The following ZNF35 variants were observed in gnomAD, a reference collection of about 807,000 sequenced individuals.
ZNF35 encodes zinc finger protein 35 (clone HF.10).
Under a neutral mutation model 45.9 loss-of-function variants are expected in ZNF35, and 31 were observed. The ratio of observed to expected loss-of-function variants is 0.68; its 90% confidence interval spans 0.51 to 0.91. The LOEUF is 0.91. Among genes scored for constraint, ZNF35 ranks in the 40% least tolerant of loss-of-function variants. The pLI is 0.00. For missense variants in ZNF35, 515 were observed against 625.4 expected (o/e 0.82, Z 1.88); for synonymous variants, 205 against 220.2 (o/e 0.93, Z 0.61).
chr3:44,658,624 G>C lies in ZNF35; in HGVS notation c.338-77G>C, dbSNP rs913259373. 2.0e-6 allele frequency: 3 copies of C among 1,472,556 alleles called. No homozygotes were observed. In the African/African-American group the frequency reaches 4.2e-5, roughly 21 times the overall value. The allele number at this position is 1,472,556 out of a possible 1,614,324, so 91.2% of individuals were successfully genotyped here. A position where few individuals can be genotyped will look rare whatever the true frequency, so the allele number is the denominator to read the frequency against. On this transcript the variant is annotated intron_variant, in intron 3 of 3. Coordinates refer to ENST00000396056, the MANE Select transcript of ZNF35 (RefSeq NM_003420.4). ...TGGAGGTGCTGAAATCACATACTTC[G>C]TTTTATGACTTGATGATCCTATTCT...
chr3:44,658,914 T>C lies in ZNF35; in HGVS notation c.551T>C (p.Leu184Ser). 1 of 1,613,468 alleles carries C rather than the reference T, an allele frequency of 6.2e-7. No homozygotes were observed. Among genetic ancestry groups the C allele is most frequent in the Non-Finnish European group, 8.5e-7 (1 of 1,179,860 alleles). The part of the protein sequence containing the change: ...FRQVIVNDCH[L>S]PESFKEEENQ... Reference sequence around the variant, plus strand: ...CAAGTGATAGTGAATGACTGTCACTTACCTGAAAGCTTCAAAGAAGAGGAA... The same window carrying C: ...CAAGTGATAGTGAATGACTGTCACTCACCTGAAAGCTTCAAAGAAGAGGAA... The change falls in exon 4 of 4, where the codon TTA (leucine) becomes TCA (serine). Residue 184 changes from leucine (L) to serine (S), a missense_variant. By Grantham distance (145) the Leu-to-Ser change is moderately radical. Transcript: ENST00000396056.
intron 3 of ZNF35, among the ~76,000 whole-genome samples, chr3:44,655,069 G>A (rs1488516082): frequency 6.6e-6 from 1 of 152,128 alleles, no homozygotes; most frequent in Non-Finnish European, 1.5e-5. Context: ...GGGAGACAGA[G>A]GTTGCAGTGA....
chr3:44,646,898 C>CAGT (rs1422692910), upstream of ZNF35: 1 of 191,006 alleles, frequency 5.2e-6, no homozygotes, highest in Non-Finnish European at 1.1e-5. Flanking sequence ...TATCCATAGG[C>CAGT]AGTAAACCAA....
chr3:44,660,126 A>C lies in ZNF35; in HGVS notation c.*179A>C, dbSNP rs1018296746. On this transcript the variant is annotated 3_prime_UTR_variant, in exon 4 of 4. Coordinates refer to ENST00000396056, the MANE Select transcript of ZNF35 (RefSeq NM_003420.4). Reference sequence around the variant, plus strand: ...GCATTTCAGAGGCTAATTTAAAACAAAAAGTAAGCACCTAAAGGCAAGGAC... The same window carrying C: ...GCATTTCAGAGGCTAATTTAAAACACAAAGTAAGCACCTAAAGGCAAGGAC... 3.1e-5 allele frequency: 19 copies of C among 605,084 alleles called. No homozygotes were observed. Among genetic ancestry groups the C allele is most frequent in the Non-Finnish European group, 4.9e-5 (19 of 384,064 alleles). The allele number at this position is 605,084 out of a possible 1,614,324, so 37.5% of individuals were successfully genotyped here. A position where few individuals can be genotyped will look rare whatever the true frequency, so the allele number is the denominator to read the frequency against.
Position 44,659,364 on chromosome 3 carries a change from A to G in ZNF35, c.1001A>G (p.Tyr334Cys), listed in dbSNP as rs1703363281. ...AAAGTCCACATTACGGAAAAATGCTATGAATGTAATGAATGTGGGAAAACA... is the reference window on the plus strand; with the variant it reads ...AAAGTCCACATTACGGAAAAATGCTGTGAATGTAATGAATGTGGGAAAACA... ...HQKVHITEKC[Y>C]ECNECGKTFT... Residue 334 changes from tyrosine to cysteine, a missense_variant, in exon 4 of 4, where the codon TAT (tyrosine) becomes TGT (cysteine). By Grantham distance (194) the Tyr-to-Cys change is radical. This residue lies in a region of ZNF35 where 232 missense variants were observed against 304.6 expected (regional missense o/e 0.76). Transcript: ENST00000396056. The surrounding 1 kb of genome is among the most constrained non-coding windows in gnomAD (Gnocchi z 4.3). 1 of 1,613,950 alleles carries G rather than the reference A, an allele frequency of 6.2e-7. No homozygotes were observed. The highest frequency in any genetic ancestry group is 8.5e-7 in the Non-Finnish European group (1 of 1,179,958).
chr3:44,656,898 T>C (rs1258996617), intron 3 of ZNF35, among the ~76,000 whole-genome samples: 1 of 152,082 alleles, frequency 6.6e-6, no homozygotes, highest in Non-Finnish European at 1.5e-5. Flanking sequence ...GGTTTCACCA[T>C]GTTGGCCAGG....
Position 44,651,080 on chromosome 3 carries a change from T to C in ZNF35, c.13T>C (p.Leu5=). The C allele has an allele frequency of 6.2e-7, 1 of 1,613,316 alleles. No homozygotes were observed. Among genetic ancestry groups the C allele is most frequent in the Non-Finnish European group, 8.5e-7 (1 of 1,179,896 alleles). Reference sequence around the variant, plus strand: ...CTGAGCAGAGAAGATGACTGCAGAATTGAGAGAAGCCATGGCCCTAGCCCC... The same window carrying C: ...CTGAGCAGAGAAGATGACTGCAGAACTGAGAGAAGCCATGGCCCTAGCCCC... MTAE[L]REAMALAPWG... is the part of the protein sequence containing the mutation. The change falls in exon 2 of 4, where the codon TTG becomes CTG. Residue 5 remains leucine, a synonymous_variant. Transcript: ENST00000396056.
At position 44,660,092 on chromosome 3, in the gene ZNF35, A is replaced by C; in HGVS notation, c.*145A>C. The stretch of plus-strand genomic sequence containing the variant: ...AGTTTTCAGGAATGCAGCAGAAGAC[A>C]CAAGAAAAGCATTTCAGAGGCTAAT... On this transcript the variant is annotated 3_prime_UTR_variant, in exon 4 of 4. Transcript: ENST00000396056. The C allele has an allele frequency of 1.2e-6, 1 of 859,406 alleles. No individual in the cohort carries two copies. The highest frequency in any genetic ancestry group is 1.7e-6 in the Non-Finnish European group (1 of 601,080). 53.2% of individuals were successfully genotyped at this position (859,406 alleles called of 1,614,324 possible).
chr3:44,647,644 A>T (rs758526729), upstream of ZNF35: 27 of 152,252 alleles, frequency 1.8e-4, no homozygotes, highest in Admixed American at 1.4e-3. Flanking sequence ...ATTGATATCC[A>T]TAACAACTCA....
upstream of ZNF35, chr3:44,648,397 G>A (rs534211457): frequency 1.3e-5 from 2 of 152,280 alleles, no homozygotes; most frequent in Admixed American, 6.5e-5. Flanking sequence ...TGGAAAATAC[G>A]GGTATTCAAT....
In ZNF35 at chr3:44,659,767, T is replaced by C. The variant is rs570084171; in HGVS notation, c.1404T>C (p.His468=). The change falls in exon 4 of 4, where the codon CAT becomes CAC. Residue 468 remains histidine (H), a synonymous_variant. Transcript: ENST00000396056. This position sits in a 1 kb window ranked among gnomAD's most constrained non-coding sequence, Gnocchi z 4.3. ...SSYLLIHQRI[H]NGEKPYTCNE... ...ACCTACTTATTCATCAGAGAATTCA[T>C]AATGGAGAAAAACCTTACACATGTA... 11 of 1,612,724 alleles carry C rather than the reference T, an allele frequency of 6.8e-6. No individual in the cohort carries two copies. The African/African-American group carries it at 9.4e-5, about 14-fold the overall frequency.
Position 44,660,124 on chromosome 3 carries a change from C to A in ZNF35, c.*177C>A. On this transcript the variant is annotated 3_prime_UTR_variant, in exon 4 of 4. Coordinates refer to ENST00000396056, the MANE Select transcript of ZNF35 (RefSeq NM_003420.4). Reference sequence around the variant, plus strand: ...AAGCATTTCAGAGGCTAATTTAAAACAAAAAGTAAGCACCTAAAGGCAAGG... The same window carrying A: ...AAGCATTTCAGAGGCTAATTTAAAAAAAAAAGTAAGCACCTAAAGGCAAGG... 6.3e-6 allele frequency: 4 copies of A among 631,946 alleles called. No individual in the cohort carries two copies. Among genetic ancestry groups the A allele is most frequent in the African/African-American group, 1.8e-5 (1 of 54,682 alleles). 39.1% of individuals were successfully genotyped at this position (631,946 alleles called of 1,614,324 possible).
At chr3:44,650,068 T>TTGTGTGTG (rs10575761) in intron 1 of ZNF35, among the ~76,000 whole-genome samples, 1 of 149,960 alleles carries the variant, frequency 6.7e-6, no homozygotes, top group Non-Finnish European at 1.5e-5. Context: ...GATAAGTACT[T>TTGTGTGTG]TGTGTGTGTG....
In ZNF35 at chr3:44,660,676, C is replaced by T. The variant is rs926220770; in HGVS notation, c.*729C>T. 2.6e-5 allele frequency: 4 copies of T among 152,316 alleles called. No homozygotes were observed. Among genetic ancestry groups the T allele is most frequent in the African/African-American group, 9.7e-5 (4 of 41,450 alleles). The allele number at this position is 152,316 out of a possible 1,614,324, so 9.4% of individuals were successfully genotyped here. On this transcript the variant is annotated 3_prime_UTR_variant, in exon 4 of 4. Coordinates refer to ENST00000396056, the MANE Select transcript of ZNF35 (RefSeq NM_003420.4). ...CATTTGCCAAGATCAACAGCTCCTT[C>T]TCCAAACAACTCAAGCCCCCAATTC...
chr3:44,655,655 G>A (rs1291409100), intron 3 of ZNF35, among the ~76,000 whole-genome samples: 1 of 152,162 alleles, frequency 6.6e-6, no homozygotes, highest in Non-Finnish European at 1.5e-5. Flanking sequence ...AAAGAAATTT[G>A]AACTTGACTA....
At position 44,660,033 on chromosome 3, in the gene ZNF35, CTA is replaced by C; in HGVS notation, c.*89_*90del. The C allele has an allele frequency of 1.5e-6, 2 of 1,369,566 alleles. No homozygotes were observed. The highest frequency in any genetic ancestry group is 2.3e-5 in the East Asian group (1 of 42,638). The allele number at this position is 1,369,566 out of a possible 1,614,324, so 84.8% of individuals were successfully genotyped here. On this transcript the variant is annotated 3_prime_UTR_variant, in exon 4 of 4. Coordinates refer to ENST00000396056, the MANE Select transcript of ZNF35 (RefSeq NM_003420.4). ...ACCTCTTTGCTGTTTTCTTCCTCCT[CTA>C]TAAAAGTGAGGGCTGTGTCCTTAAA... is the stretch of plus-strand genomic sequence containing the variant.
chr3:44,658,567 A>ATG (rs1273464666), intron 3 of ZNF35, 134 bp from the exon 4 acceptor site: 2 of 924,992 alleles, frequency 2.2e-6, no homozygotes, highest in African/African-American at 3.3e-5. Flanking sequence ...GTAACATGTG[A>ATG]TGGGATTCTC....
chr3:44,657,068 CT>C (rs1005498056), intron 3 of ZNF35, among the ~76,000 whole-genome samples: 2 of 152,176 alleles, frequency 1.3e-5, no homozygotes, highest in Admixed American at 6.5e-5. Flanking sequence ...TTTCTTTCCT[CT>C]GACACTGCTC....
chr3:44,648,543 C>G (rs556723544), upstream of ZNF35: 11 of 152,310 alleles, frequency 7.2e-5, no homozygotes, highest in Admixed American at 2.0e-4. Flanking sequence ...AGTGTCTCAT[C>G]CCTGCTTGGG....
Sources: gnomAD v4.1 joint callset for allele counts (sites outside exome capture counted in the v4.1 genomes callset) on GRCh38, gnomAD v4.1.1 for gene constraint, gnomAD v4.1.1 regional missense constraint, Gnocchi (gnomAD v3.1) non-coding constraint, MANE v1.5 for transcripts, NCBI Gene and HGNC (gene_info 2026-07-23, HGNC 2026-07-21) for gene names.